Variants in ANKRD39 observed in about 807,000 individuals in gnomAD.
ANKRD39 encodes the protein ankyrin repeat domain 39.
A neutral mutation model predicts 20.3 loss-of-function variants in ANKRD39; 18 were observed. The ratio of observed to expected loss-of-function variants is 0.89; its 90% CI spans 0.61 to 1.32. The LOEUF (loss-of-function observed/expected upper bound fraction) is 1.32. ANKRD39 is among the 40% of genes most tolerant of loss of function. The pLI, the probability that ANKRD39 is intolerant of heterozygous loss-of-function variation, is 0.00. For synonymous variants in ANKRD39, 106 were observed against 111.9 expected, an observed-to-expected ratio of 0.95 and a Z score of 0.33; for missense variants, 243 against 250.7, an observed-to-expected ratio of 0.97 and a Z score of 0.21.
At position 96,857,940 on chromosome 2, in the gene ANKRD39, G is replaced by T. The variant is rs556825086; in HGVS notation, c.48C>A (p.Pro16=). ...PCADGPCCSH[P]SAVLGVQQTL... ...TCTGCTGTACGCCGAGCACCGCGCT[G>T]GGATGCGAGCAGCAGGGCCCGTCCG... Residue 16 remains proline, a synonymous_variant, in exon 1 of 4, where the codon CCC becomes CCA. Coordinates refer to ENST00000393537, the MANE Select transcript of ANKRD39 (RefSeq NM_016466.6). The T allele has an allele frequency of 1.3e-6, 2 of 1,581,830 alleles. No individual in the cohort carries two copies. The highest frequency in any genetic ancestry group is 4.6e-5 in the East Asian group (2 of 43,860).
At chr2:96,852,932 G>A (rs1252903855) in intron 3 of ANKRD39, among the ~76,000 whole-genome samples, 1 of 152,146 alleles carries the variant, frequency 6.6e-6, no homozygotes, top group Non-Finnish European at 1.5e-5. Context: ...TCGGTAAAGT[G>A]AACACCTCAA....
At chr2:96,857,802 C>T (rs907500149) in intron 1 of ANKRD39, 86 bp downstream of exon 1, 13 of 1,397,682 alleles carry the variant, frequency 9.3e-6, no homozygotes, top group Non-Finnish European at 1.3e-5. Flanking sequence ...CTCTCGGGGC[C>T]CCGTTCATCC....
At position 96,853,561 on chromosome 2, in the gene ANKRD39, A is replaced by G. The variant is rs762941045; in HGVS notation, c.248T>C (p.Leu83Pro). Residue 83 changes from leucine to proline, a missense_variant, in exon 3 of 4, where the codon CTG becomes CCG. Leu to Pro is a moderately conservative substitution (Grantham distance 98). Transcript: ENST00000393537. ...ATCACACTTAGCTCCGCTTTCCAGC[A>G]GGAACTGGCACACAGCGTAGTGCCC... ...RNGHYAVCQF[L>P]LESGAKCDAQ... is the part of the protein sequence containing the mutation. 5 of 1,612,706 alleles carry G rather than the reference A, an allele frequency of 3.1e-6. No individual in the cohort carries two copies. The African/African-American group carries it at 6.7e-5, about 22-fold the overall frequency.
intron 3 of ANKRD39, among the ~76,000 whole-genome samples, chr2:96,853,080 C>T (rs1248811586): frequency 1.3e-5 from 2 of 152,188 alleles, no homozygotes; most frequent in Non-Finnish European, 2.9e-5. Context: ...TAAATGATCA[C>T]TCCGGCTAAC....
intron 3 of ANKRD39, among the ~76,000 whole-genome samples, chr2:96,849,543 G>A (rs1271689517): frequency 3.9e-5 from 6 of 152,090 alleles, no homozygotes; most frequent in Non-Finnish European, 8.8e-5. Flanking sequence ...CCCGCTACTC[G>A]GGAGGCTGAG....
Position 96,853,242 on chromosome 2 carries a change from T to G in ANKRD39, c.408+159A>C, listed in dbSNP as rs1219160758. Among the ~76,000 whole-genome samples the G allele has an allele frequency of 2.0e-5, 3 of 152,358 alleles. No homozygotes were observed. In the East Asian group the frequency reaches 5.8e-4, roughly 29 times the overall value. On this transcript the variant is annotated intron_variant, in intron 3 of 3. Coordinates refer to ENST00000393537, the MANE Select transcript of ANKRD39 (RefSeq NM_016466.6). The stretch of plus-strand genomic sequence containing the variant: ...ACGCTCAGAAAAAAGGCTGGAGAAT[T>G]ACCCATTAGTCCTAAAGTGATGACA...
chr2:96,848,077 T>C lies in ANKRD39; in HGVS notation c.*224A>G. 1 of 477,338 alleles carries C rather than the reference T, an allele frequency of 2.1e-6. No homozygotes were observed. The allele number at this position is 477,338 out of a possible 1,614,324, so 29.6% of individuals were successfully genotyped here. ...ATAACTTTATTTTTTTCCAAATAAA[T>C]AGATGTCTCATATGAACTAATTTAG... On this transcript the variant is annotated 3_prime_UTR_variant, in exon 4 of 4. Transcript: ENST00000393537.
At chr2:96,852,416 A>G (rs149578156) in intron 3 of ANKRD39, among the ~76,000 whole-genome samples, 19 of 149,500 alleles carry the variant, frequency 1.3e-4, no homozygotes, top group Non-Finnish European at 2.7e-4. Flanking sequence ...AAGAGAAGAA[A>G]AAAGAAAAAT....
chr2:96,855,722 CA>C (rs566045028), intron 1 of ANKRD39, among the ~76,000 whole-genome samples: 16,534 of 91,118 alleles, frequency 0.18, 1,171 homozygotes, highest in Middle Eastern at 0.31. Flanking sequence ...GACTCCGTCT[CA>C]AAAAAAAAAA....
rs766222044 is a variant in ANKRD39 at position 96,853,599 on chromosome 2, A to AT, written c.209dup (p.Tyr70Ter). The stretch of plus-strand genomic sequence containing the variant: ...CAGCGTAGTGCCCATTGCGGCTGGC[A>AT]TAGTGCTGCAGGGAACAGAGACCGA... ...PDSAGYTALH[Y>*]ASRNGHYAVC... The change falls in exon 3 of 4, where the codon TAT (tyrosine) becomes TAAT (stop). Residue 70 changes from tyrosine (Y) to a stop codon, truncating the protein, a stop_gained and frameshift_variant. Coordinates refer to ENST00000393537, the MANE Select transcript of ANKRD39 (RefSeq NM_016466.6). LOFTEE classifies it high-confidence loss of function. 1 of 1,611,636 alleles carries AT rather than the reference A, an allele frequency of 6.2e-7. No homozygotes were observed. The highest frequency in any genetic ancestry group is 1.3e-5 in the African/African-American group (1 of 74,832).
At chr2:96,850,314 C>A (rs975483732) in intron 3 of ANKRD39, among the ~76,000 whole-genome samples, 1 of 152,184 alleles carries the variant, frequency 6.6e-6, no homozygotes, top group Non-Finnish European at 1.5e-5. Context: ...TTGTGAGATG[C>A]ATCCCAAATA....
At chr2:96,856,510 G>A (rs573705894) in intron 1 of ANKRD39, among the ~76,000 whole-genome samples, 5 of 150,658 alleles carry the variant, frequency 3.3e-5, no homozygotes, top group Admixed American at 6.6e-5. Context: ...ATACATCAGA[G>A]TAACTGGCCT....
intron 3 of ANKRD39, among the ~76,000 whole-genome samples, chr2:96,850,500 C>T (rs1029082791): frequency 6.6e-6 from 1 of 151,904 alleles, no homozygotes; most frequent in Non-Finnish European, 1.5e-5. Flanking sequence ...ACTGTCTCTA[C>T]TAAAAATACA....
chr2:96,848,129 C>G lies in ANKRD39; in HGVS notation c.*172G>C, dbSNP rs1182643320. ...ATATGATCATCTGTCCAGTCTTAAACACTTTTAGCCACACCAAATCTACTC... is the reference window on the plus strand; with the variant it reads ...ATATGATCATCTGTCCAGTCTTAAAGACTTTTAGCCACACCAAATCTACTC... On this transcript the variant is annotated 3_prime_UTR_variant, in exon 4 of 4. Transcript: ENST00000393537. The G allele has an allele frequency of 3.9e-6, 3 of 761,174 alleles. No homozygotes were observed. The highest frequency in any genetic ancestry group is 6.1e-6 in the Non-Finnish European group (3 of 494,982). 47.2% of individuals were successfully genotyped at this position (761,174 alleles called of 1,614,324 possible).
chr2:96,848,138 C>A lies in ANKRD39; in HGVS notation c.*163G>T, dbSNP rs900098975. 6.9e-6 allele frequency: 6 copies of A among 863,572 alleles called. No homozygotes were observed. The highest frequency in any genetic ancestry group is 1.0e-5 in the Non-Finnish European group (6 of 580,966). 53.5% of individuals were successfully genotyped at this position (863,572 alleles called of 1,614,324 possible). A position where few individuals can be genotyped will look rare whatever the true frequency, so the allele number is the denominator to read the frequency against. On this transcript the variant is annotated 3_prime_UTR_variant, in exon 4 of 4. Coordinates refer to ENST00000393537, the MANE Select transcript of ANKRD39 (RefSeq NM_016466.6). ...TCTGTCCAGTCTTAAACACTTTTAG[C>A]CACACCAAATCTACTCCCTCGCTTC...
At chr2:96,854,974 A>G (rs1026256321) in intron 1 of ANKRD39, among the ~76,000 whole-genome samples, 14 of 152,268 alleles carry the variant, frequency 9.2e-5, no homozygotes, top group Non-Finnish European at 1.6e-4. Context: ...CTGCCAAGGC[A>G]GTGTGACAAT....
At chr2:96,850,996 G>A (rs918512462) in intron 3 of ANKRD39, among the ~76,000 whole-genome samples, 7 of 152,134 alleles carry the variant, frequency 4.6e-5, no homozygotes, top group African/African-American at 1.7e-4. Flanking sequence ...AGGCTGCAAT[G>A]TTTTTTTGGG....
rs1222157316 is a variant in ANKRD39 at position 96,853,495 on chromosome 2, C to T, written c.314G>A (p.Ser105Asn). The T allele has an allele frequency of 2.5e-6, 4 of 1,612,788 alleles. No homozygotes were observed. The highest frequency in any genetic ancestry group is 3.4e-6 in the Non-Finnish European group (4 of 1,179,532). The part of the protein sequence containing the change: ...HGGATALHRA[S>N]YCGHTEIARL... ...CGCGATTTCAGTGTGCCCGCAGTAG[C>T]TGGCTCGGTGCAGAGCAGTGGCACC... Residue 105 changes from serine (S) to asparagine (N), a missense_variant, in exon 3 of 4, where the codon AGC becomes AAC. Coordinates refer to ENST00000393537, the MANE Select transcript of ANKRD39 (RefSeq NM_016466.6).
At chr2:96,854,809 A>G (rs2079855130) in intron 1 of ANKRD39, among the ~76,000 whole-genome samples, 1 of 152,216 alleles carries the variant, frequency 6.6e-6, no homozygotes, top group Non-Finnish European at 1.5e-5. Flanking sequence ...TTTTTAGTAG[A>G]GACAGGGTTT....
Sources: allele counts gnomAD v4.1 joint callset (sites outside exome capture counted in the v4.1 genomes callset), GRCh38; gene constraint gnomAD v4.1.1; transcripts MANE v1.5; gene names NCBI Gene and HGNC (gene_info 2026-07-23, HGNC 2026-07-21).